RNF11: variants seen among roughly 807,000 people sequenced by gnomAD.
The protein encoded by RNF11 is ring finger protein 11.
A neutral mutation model predicts 15.8 loss-of-function variants in RNF11; 4 were observed. That is an observed-to-expected ratio of 0.25 (90% CI 0.12 to 0.58). RNF11 has a LOEUF of 0.58. Ranked by LOEUF, RNF11 falls within the 20% of genes least tolerant of loss-of-function variation. RNF11 has a pLI of 0.91. For missense variants in RNF11, 139 were observed against 194.4 expected (o/e 0.71, Z 1.70); for synonymous variants, 68 against 72.3 (o/e 0.94, Z 0.30).
intron 1 of RNF11, among the ~76,000 whole-genome samples, chr1:51,243,475 G>A (rs1178633735): frequency 6.6e-6 from 1 of 152,100 alleles, no homozygotes; most frequent in Non-Finnish European, 1.5e-5. Context: ...TCTTCACTCT[G>A]TTGCCCAGGC....
intron 1 of RNF11, among the ~76,000 whole-genome samples, chr1:51,256,303 T>C (rs1283287812): frequency 1.3e-5 from 2 of 152,238 alleles, no homozygotes; most frequent in African/African-American, 4.8e-5. Flanking sequence ...TGTTGCATAT[T>C]TGGAATCATA....
intron 1 of RNF11, among the ~76,000 whole-genome samples, chr1:51,246,122 G>T (rs368930242): frequency 1.2e-4 from 18 of 152,054 alleles, no homozygotes; most frequent in African/African-American, 3.9e-4. Context: ...AAAAATAGCC[G>T]GGTGTGGTGG....
chr1:51,238,331 T>C (rs1244804790), intron 1 of RNF11, among the ~76,000 whole-genome samples: 2 of 152,204 alleles, frequency 1.3e-5, no homozygotes, highest in Non-Finnish European at 2.9e-5. Flanking sequence ...GTTAGATGTG[T>C]GTCTCATCCT....
At chr1:51,263,623 A>T (rs11205830) in intron 1 of RNF11, among the ~76,000 whole-genome samples, 206 of 152,304 alleles carry the variant, frequency 1.4e-3, no homozygotes, top group African/African-American at 4.7e-3. Context: ...GATCAGTTTT[A>T]TTAGGGTGGT....
chr1:51,260,475 C>A (rs1646925212), intron 1 of RNF11, among the ~76,000 whole-genome samples: 1 of 152,214 alleles, frequency 6.6e-6, no homozygotes, highest in South Asian at 2.1e-4. Context: ...TCTCCCTTTT[C>A]AACTTCACTC....
At chr1:51,270,955 A>G (rs1336712711) in intron 2 of RNF11, among the ~76,000 whole-genome samples, 196 bp from the exon 3 acceptor site, 1 of 152,204 alleles carries the variant, frequency 6.6e-6, no homozygotes, top group Non-Finnish European at 1.5e-5. Context: ...GCAAATTCTC[A>G]GGGGATTGAA....
Position 51,257,853 on chromosome 1 carries a change from C to CTTTTTTTTTTTTTTTTTTTTTTTT in RNF11, c.124-12085_124-12084insTTTTTTTTTTTTTTTTTTTTTTTT, listed in dbSNP as rs1245365473. On this transcript the variant is annotated intron_variant, in intron 1 of 2. Transcript: ENST00000242719. Reference sequence around the variant, plus strand: ...CTTCTTATTTCTTTTCTTTTCTTTTCTTTTTTTTTTTTTTTTTTGAGACAA... The same window carrying CTTTTTTTTTTTTTTTTTTTTTTTT: ...CTTCTTATTTCTTTTCTTTTCTTTTCTTTTTTTTTTTTTTTTTTTTTTTTTTTTTTTTTTTTTTTTTTGAGACAA... Among the ~76,000 whole-genome samples, 8 of 91,260 alleles carry CTTTTTTTTTTTTTTTTTTTTTTTT rather than the reference C, an allele frequency of 8.8e-5. 1 individual carries two copies. The highest frequency in any genetic ancestry group is 3.9e-4 in the African/African-American group (8 of 20,652). 59.9% of individuals were successfully genotyped at this position (91,260 alleles called of 152,430 possible).
intron 1 of RNF11, chr1:51,251,102 C>T (rs551466101): frequency 3.8e-4 from 595 of 1,547,778 alleles, no homozygotes; most frequent in Non-Finnish European, 5.0e-4. Flanking sequence ...TAGCAACAAA[C>T]GCCTTGAACC....
At chr1:51,262,444 T>C (rs1646934340) in intron 1 of RNF11, among the ~76,000 whole-genome samples, 1 of 152,234 alleles carries the variant, frequency 6.6e-6, no homozygotes, top group Admixed American at 6.5e-5. Flanking sequence ...AAAGTAAAAG[T>C]AACCAAAGTT....
chr1:51,251,379 C>T lies in RNF11; in HGVS notation c.123+14500C>T, dbSNP rs568740570. On this transcript the variant is annotated intron_variant, in intron 1 of 2. Coordinates refer to ENST00000242719, the MANE Select transcript of RNF11 (RefSeq NM_014372.5). Reference sequence around the variant, plus strand: ...CCGTCTACGGCTGCGACCCCGGCCCCGGATGCCACTGCCGAAACCTCCGCG... The same window carrying T: ...CCGTCTACGGCTGCGACCCCGGCCCTGGATGCCACTGCCGAAACCTCCGCG... 1,066 of 1,450,900 alleles carry T rather than the reference C, an allele frequency of 7.3e-4. 12 individuals are homozygous for T. In the African/African-American group the frequency reaches 0.014, roughly 19 times the overall value. 89.9% of individuals were successfully genotyped at this position (1,450,900 alleles called of 1,614,324 possible).
intron 1 of RNF11, among the ~76,000 whole-genome samples, chr1:51,243,538 G>A (rs564458236): frequency 2.6e-5 from 4 of 152,096 alleles, no homozygotes; most frequent in Non-Finnish European, 4.4e-5. Context: ...TCCCGGGTCC[G>A]AGCAATTCTC....
At chr1:51,268,209 ATTAAAAT>A (rs1646963440) in intron 1 of RNF11, among the ~76,000 whole-genome samples, 2 of 152,240 alleles carry the variant, frequency 1.3e-5, no homozygotes, top group South Asian at 4.1e-4. Flanking sequence ...TATCATGGGA[ATTAAAAT>A]TTAAAATTAG....
intron 1 of RNF11, among the ~76,000 whole-genome samples, chr1:51,256,530 T>C (rs1332866495): frequency 1.3e-5 from 2 of 152,168 alleles, no homozygotes; most frequent in Admixed American, 1.3e-4. Flanking sequence ...AAACATTTGT[T>C]TCTGGGTTTT....
At chr1:51,237,030 T>A in intron 1 of RNF11, 151 bp downstream of exon 1, 4 of 1,072,114 alleles carry the variant, frequency 3.7e-6, no homozygotes, top group Non-Finnish European at 5.2e-6. Flanking sequence ...ATTTGCTCTC[T>A]GATCTCAGAG....
intron 1 of RNF11, among the ~76,000 whole-genome samples, chr1:51,253,558 A>C (rs543107900): frequency 1.3e-5 from 2 of 151,964 alleles, no homozygotes; most frequent in Non-Finnish European, 2.9e-5. Flanking sequence ...GGGAAACGAA[A>C]TAAAGAATAG....
At chr1:51,237,330 T>C (rs1646808540) in intron 1 of RNF11, among the ~76,000 whole-genome samples, 1 of 151,702 alleles carries the variant, frequency 6.6e-6, no homozygotes, top group South Asian at 2.1e-4. Context: ...CGTCTTTTTG[T>C]TAATTGGATC....
At chr1:51,250,455 C>T (rs1646872037) in intron 1 of RNF11, 1 of 401,664 alleles carries the variant, frequency 2.5e-6, no homozygotes, top group Non-Finnish European at 4.5e-6. Context: ...TGCAGTTGAC[C>T]TTTGAACAAC....
At chr1:51,267,391 G>A (rs1646959236) in intron 1 of RNF11, among the ~76,000 whole-genome samples, 1 of 152,154 alleles carries the variant, frequency 6.6e-6, no homozygotes, top group Admixed American at 6.5e-5. Flanking sequence ...GGGCTCTTAG[G>A]ACTTAGTATA....
chr1:51,255,454 C>T (rs1315748565), intron 1 of RNF11, among the ~76,000 whole-genome samples: 1 of 152,150 alleles, frequency 6.6e-6, no homozygotes, highest in African/African-American at 2.4e-5. Flanking sequence ...GAGACAAGGT[C>T]TCACTCTTTT....
Sources: gnomAD v4.1 joint callset for allele counts (sites outside exome capture counted in the v4.1 genomes callset) on GRCh38, gnomAD v4.1.1 for gene constraint, MANE v1.5 for transcripts, NCBI Gene and HGNC (gene_info 2026-07-23, HGNC 2026-07-21) for gene names.